Variants in CPLANE1 observed in about 807,000 individuals in gnomAD.
The protein encoded by CPLANE1 is ciliogenesis and planar polarity effector complex subunit 1.
In CPLANE1, 263 loss-of-function variants were observed where a neutral mutation model predicts 362.5. That is an observed-to-expected ratio of 0.73 (90% CI 0.66 to 0.80). CPLANE1 has a LOEUF of 0.80. CPLANE1 is among the 30% of genes least tolerant of loss of function. CPLANE1 has a pLI of 0.00. For missense variants in CPLANE1, 3,461 were observed against 3,793.4 expected (o/e 0.91, Z 2.30); for synonymous variants, 1,212 against 1,302.6 (o/e 0.93, Z 1.50).
intron 44 of CPLANE1, 74 bp from the exon 45 acceptor site, chr5:37,139,444 T>C: frequency 6.4e-6 from 7 of 1,095,664 alleles, no homozygotes; most frequent in East Asian, 3.2e-5. Flanking sequence ...ATTTAGAAAT[T>C]ATATAACCAG....
chr5:37,179,560 C>T, intron 28 of CPLANE1, 117 bp from the exon 29 acceptor site: 7 of 675,914 alleles, frequency 1.0e-5, no homozygotes, highest in South Asian at 7.7e-5. Context: ...ATTTTCTATC[C>T]TTTTTATAAA....
chr5:37,124,381 T>A (rs903912851), intron 47 of CPLANE1, among the ~76,000 whole-genome samples: 2 of 152,176 alleles, frequency 1.3e-5, no homozygotes, highest in African/African-American at 2.4e-5. Flanking sequence ...CCTGGTTATG[T>A]CTGTATTTAG....
chr5:37,235,641 C>T (rs1331635081), intron 8 of CPLANE1, among the ~76,000 whole-genome samples: 2 of 128,584 alleles, frequency 1.6e-5, no homozygotes, highest in Non-Finnish European at 3.1e-5. Context: ...GGTACAATTT[C>T]GACTCACTGC....
chr5:37,176,915 C>T (rs1180654868), intron 30 of CPLANE1, among the ~76,000 whole-genome samples: 1 of 152,030 alleles, frequency 6.6e-6, no homozygotes, highest in East Asian at 1.9e-4. Context: ...CCCGCCACCA[C>T]ACCCAGTTAA....
At chr5:37,154,643 C>T (rs181774019) in intron 41 of CPLANE1, among the ~76,000 whole-genome samples, 1 of 151,820 alleles carries the variant, frequency 6.6e-6, no homozygotes, top group African/African-American at 2.4e-5. Flanking sequence ...ATGTTGGGGT[C>T]TCCTCCTCAC....
chr5:37,208,681 C>CT (rs1561609050), intron 16 of CPLANE1, among the ~76,000 whole-genome samples: 1 of 113,988 alleles, frequency 8.8e-6, no homozygotes, highest in East Asian at 2.7e-4. Context: ...TGTCTCCCCC[C>CT]CCCCCCAAAA....
chr5:37,236,723 C>CAA (rs544613605), intron 8 of CPLANE1, among the ~76,000 whole-genome samples: 17 of 102,588 alleles, frequency 1.7e-4, no homozygotes, highest in Admixed American at 4.0e-4. Context: ...ACTCAACAAG[C>CAA]AAAAAAAAAA....
intron 42 of CPLANE1, 42 bp from the exon 43 acceptor site, chr5:37,148,310 G>T: frequency 7.4e-7 from 1 of 1,353,224 alleles, no homozygotes; most frequent in Non-Finnish European, 1.0e-6. Flanking sequence ...GTAATACTTT[G>T]ATAATTTCAA....
chr5:37,245,958 G>A, intron 2 of CPLANE1, 113 bp from the exon 3 acceptor site: 1 of 1,052,704 alleles, frequency 9.5e-7, no homozygotes, highest in East Asian at 2.7e-5. Flanking sequence ...TTATCCATTT[G>A]TACCACAAAT....
chr5:37,211,921 T>C (rs1792722082), intron 16 of CPLANE1: 2 of 796,430 alleles, frequency 2.5e-6, no homozygotes, highest in Non-Finnish European at 4.6e-6. Context: ...ATGCTTCATA[T>C]GGGCGCAGCT....
chr5:37,152,765 T>C (rs544252174), intron 42 of CPLANE1, among the ~76,000 whole-genome samples: 2 of 152,236 alleles, frequency 1.3e-5, no homozygotes, highest in South Asian at 4.1e-4. Flanking sequence ...GGTGCACACC[T>C]ATAGTCCCAG....
intron 46 of CPLANE1, among the ~76,000 whole-genome samples, chr5:37,135,829 C>CAA (rs796591867): frequency 1.3e-4 from 18 of 142,198 alleles, no homozygotes; most frequent in African/African-American, 4.1e-4. Flanking sequence ...GACTCTGTCT[C>CAA]AAAAAAAAAA....
intron 41 of CPLANE1, among the ~76,000 whole-genome samples, 198 bp downstream of exon 41, chr5:37,157,115 A>T (rs1314577887): frequency 6.6e-6 from 1 of 152,200 alleles, no homozygotes; most frequent in Non-Finnish European, 1.5e-5. Context: ...GCATAAACAG[A>T]TCTGTGACTT....
chr5:37,193,177 A>C (rs1182254313), intron 21 of CPLANE1, among the ~76,000 whole-genome samples: 1 of 150,562 alleles, frequency 6.6e-6, no homozygotes, highest in African/African-American at 2.5e-5. Context: ...TAAAAAAAAA[A>C]CGACAACAAC....
intron 6 of CPLANE1, among the ~76,000 whole-genome samples, chr5:37,241,485 A>C (rs1238901090): frequency 6.6e-6 from 1 of 152,198 alleles, no homozygotes; most frequent in Non-Finnish European, 1.5e-5. Flanking sequence ...ATAGATAGAT[A>C]GGTAGATAGA....
At chr5:37,197,019 G>C (rs537359868) in intron 20 of CPLANE1, among the ~76,000 whole-genome samples, 3 of 152,032 alleles carry the variant, frequency 2.0e-5, no homozygotes, top group Admixed American at 2.0e-4. Flanking sequence ...CGGGTTACAG[G>C]GGTAAAAAAA....
chr5:37,091,029 T>C, the CPLANE1 span, among the ~76,000 whole-genome samples: 28 of 152,248 alleles, frequency 1.8e-4, no homozygotes, highest in African/African-American at 6.5e-4. Flanking sequence ...AGCCACCCAA[T>C]TGCATCAATC....
chr5:37,125,127 T>C (rs1763776175), intron 47 of CPLANE1, 117 bp downstream of exon 47: 2 of 1,402,760 alleles, frequency 1.4e-6, no homozygotes, highest in Non-Finnish European at 1.9e-6. Context: ...ACATTTACTT[T>C]TCTATATGCC....
the CPLANE1 span, among the ~76,000 whole-genome samples, chr5:37,094,471 C>T: frequency 1.3e-5 from 2 of 152,184 alleles, no homozygotes; most frequent in East Asian, 1.9e-4. Context: ...TAAAGGACTA[C>T]ATCAGATAGT....
Sources: allele counts gnomAD v4.1 joint callset (sites outside exome capture counted in the v4.1 genomes callset), GRCh38; gene constraint gnomAD v4.1.1; transcripts MANE v1.5; gene names NCBI Gene and HGNC (gene_info 2026-07-23, HGNC 2026-07-21).